The following BSG variants were observed in gnomAD, a reference collection of about 807,000 sequenced individuals.
BSG encodes the protein basigin.
In BSG, 37 loss-of-function variants were observed where a neutral mutation model predicts 43.1. That is an observed-to-expected ratio of 0.86 (90% CI 0.66 to 1.13). The LOEUF is 1.13. Among genes scored for constraint, BSG ranks in the 50% most tolerant of loss-of-function variants. BSG has a pLI of 0.00. For missense variants in BSG, 599 were observed against 554.2 expected (o/e 1.08, Z -0.81); for synonymous variants, 309 against 238.7 (o/e 1.29, Z -2.72).
At chr19:580,538 C>G in intron 4 of BSG, 77 bp downstream of exon 4, 1 of 1,604,292 alleles carries the variant, frequency 6.2e-7, no homozygotes, top group South Asian at 1.1e-5. Context: ...CCGGCACATC[C>G]CAGAGCCCTG....
Position 578,112 on chromosome 19 carries a change from G to A in BSG, c.406G>A (p.Val136Ile), listed in dbSNP as rs1001314770. 5.1e-6 allele frequency: 8 copies of A among 1,570,124 alleles called. No individual in the cohort carries two copies. The highest frequency in any genetic ancestry group is 6.9e-6 in the Non-Finnish European group (8 of 1,153,716). ...KWVRAQAVVL[V>I]LEPGTVFTTV... ...GGTCCGCGCCCAGGCAGTCGTGCTAGTCCTGGAACGTGAGTGGCGGGCACC... is the reference window on the plus strand; with the variant it reads ...GGTCCGCGCCCAGGCAGTCGTGCTAATCCTGGAACGTGAGTGGCGGGCACC... The change falls in exon 2 of 9, where the codon GTC (valine) becomes ATC (isoleucine). Residue 136 changes from valine (V) to isoleucine (I), a missense_variant. Transcript: ENST00000333511.
intron 1 of BSG, among the ~76,000 whole-genome samples, chr19:577,047 G>A (rs1327148778): frequency 6.6e-6 from 1 of 152,194 alleles, no homozygotes; most frequent in African/African-American, 2.4e-5. Flanking sequence ...CCTGGCGGGA[G>A]GAGGCACTCC....
In BSG at chr19:572,620, C is replaced by T. The variant is rs754745392; in HGVS notation, c.-15C>T. The T allele has an allele frequency of 1.2e-5, 18 of 1,493,400 alleles. No individual in the cohort carries two copies. The highest frequency in any genetic ancestry group is 4.5e-5 in the Admixed American group (2 of 44,398). 92.5% of individuals were successfully genotyped at this position (1,493,400 alleles called of 1,614,324 possible). On this transcript the variant is annotated 5_prime_UTR_variant, in exon 1 of 9. Transcript: ENST00000333511. ...CAGCGGTTGGAGGTTGTAGGACCGG[C>T]GAGGAATAGGAATCATGGCGGCTGC...
intron 6 of BSG, 28 bp from the exon 7 acceptor site, chr19:582,278 C>A: frequency 6.2e-7 from 1 of 1,605,236 alleles, no homozygotes. Flanking sequence ...CTCTCGTCCT[C>A]TTTTTCATGG....
At chr19:578,381 C>T (rs928549229) in intron 2 of BSG, among the ~76,000 whole-genome samples, 4 of 152,326 alleles carry the variant, frequency 2.6e-5, no homozygotes, top group Middle Eastern at 6.8e-3. Context: ...CCTCGACCCT[C>T]GTGCCATCCG....
chr19:582,526 G>A lies in BSG; in HGVS notation c.1107G>A (p.Gly369=). Residue 369 remains glycine, a synonymous_variant, in exon 8 of 9, where the codon GGG becomes GGA. Transcript: ENST00000333511. ...CCTCGTGCCCCAGGAAGAGCAGCGG[G>A]CAGCACCAGAATGACAAAGGCAAGA... ...DAGSAPLKSS[G]QHQNDKGKNV... is the part of the protein sequence containing the mutation. 2 of 1,601,358 alleles carry A rather than the reference G, an allele frequency of 1.2e-6. No individual in the cohort carries two copies. Among genetic ancestry groups the A allele is most frequent in the Non-Finnish European group, 1.7e-6 (2 of 1,174,370 alleles).
In BSG at chr19:582,365, G is replaced by A. The variant is rs547374902; in HGVS notation, c.1094+35G>A. On this transcript the variant is annotated intron_variant, in intron 7 of 8. Coordinates refer to ENST00000333511, the MANE Select transcript of BSG (RefSeq NM_001728.4). Reference sequence around the variant, plus strand: ...AGCTGTGGGGGTCGGGGGTCCCAAGGAGCGGCCTGCTGCCCCAGGCCTTTA... The same window carrying A: ...AGCTGTGGGGGTCGGGGGTCCCAAGAAGCGGCCTGCTGCCCCAGGCCTTTA... 2.1e-5 allele frequency: 34 copies of A among 1,596,970 alleles called. No individual in the cohort carries two copies. The East Asian group carries it at 6.9e-4, about 33-fold the overall frequency.
chr19:571,318 C>T (rs1981214142), upstream of BSG: 1 of 591,182 alleles, frequency 1.7e-6, no homozygotes, highest in African/African-American at 1.9e-5. Flanking sequence ...CCAGTTAGCC[C>T]TTCGCGTTCG....
chr19:572,818 GA>G, intron 1 of BSG, 117 bp downstream of exon 1: 1 of 1,196,414 alleles, frequency 8.4e-7, no homozygotes, highest in Non-Finnish European at 1.1e-6. Flanking sequence ...CCTGGGGTGC[GA>G]AAGGCCGGCC....
Position 579,538 on chromosome 19 carries a change from A to G in BSG, c.454A>G (p.Lys152Glu), listed in dbSNP as rs753663735. 4.3e-6 allele frequency: 7 copies of G among 1,612,616 alleles called. No individual in the cohort carries two copies. The highest frequency in any genetic ancestry group is 1.1e-5 in the South Asian group (1 of 91,094). Residue 152 changes from lysine (K) to glutamate (E), a missense_variant, in exon 3 of 9, where the codon AAG (lysine) becomes GAG (glutamate). Transcript: ENST00000333511. ...CACTACCGTAGAAGACCTTGGCTCC[A>G]AGATACTCCTCACCTGCTCCTTGAA... The part of the protein sequence containing the change: ...VFTTVEDLGS[K>E]ILLTCSLNDS...
intron 1 of BSG, among the ~76,000 whole-genome samples, chr19:574,548 G>A (rs975348857): frequency 7.0e-6 from 1 of 143,214 alleles, no homozygotes. Flanking sequence ...GCGAGACCCC[G>A]TCTCAAAAAA....
At position 572,615 on chromosome 19, in the gene BSG, A is replaced by AC; in HGVS notation, c.-18dup. The AC allele has an allele frequency of 6.7e-7, 1 of 1,489,854 alleles. No homozygotes were observed. Among genetic ancestry groups the AC allele is most frequent in the East Asian group, 2.9e-5 (1 of 34,492 alleles). The allele number at this position is 1,489,854 out of a possible 1,614,324, so 92.3% of individuals were successfully genotyped here. ...GGCGGCAGCGGTTGGAGGTTGTAGG[A>AC]CCGGCGAGGAATAGGAATCATGGCG... On this transcript the variant is annotated 5_prime_UTR_variant, in exon 1 of 9. Transcript: ENST00000333511.
At chr19:575,078 C>T (rs1411261449) in intron 1 of BSG, 1 of 152,312 alleles carries the variant, frequency 6.6e-6, no homozygotes, top group East Asian at 1.9e-4. Flanking sequence ...AGAAGGGTTT[C>T]TTCTGAGCAG....
chr19:571,438 A>G (rs2145880010), upstream of BSG: 2 of 742,038 alleles, frequency 2.7e-6, no homozygotes, highest in South Asian at 2.8e-5. Flanking sequence ...GACTTTTCTC[A>G]CCGTGGTCGC....
rs1290374583 is a variant in BSG, at chr19:581,507, C to T, written c.985C>T (p.Leu329=). The change falls in exon 6 of 9, where the codon CTG becomes TTG. Residue 329 remains leucine (L), a synonymous_variant. Coordinates refer to ENST00000333511, the MANE Select transcript of BSG (RefSeq NM_001728.4). ...RSHLAALWPF[L]GIVAEVLVLV... ...CCACCTGGCCGCCCTCTGGCCCTTC[C>T]TGGGCATCGTGGCTGAGGTGCTGGT... The T allele has an allele frequency of 1.9e-6, 3 of 1,597,834 alleles. No individual in the cohort carries two copies. The highest frequency in any genetic ancestry group is 1.3e-5 in the African/African-American group (1 of 74,538).
intron 6 of BSG, 44 bp from the exon 7 acceptor site, chr19:582,262 G>A (rs774143658): frequency 1.2e-6 from 2 of 1,604,400 alleles, no homozygotes; most frequent in Non-Finnish European, 1.7e-6. Context: ...GTGCTGACAG[G>A]CTGTCCTCTC....
At chr19:572,480 G>A, upstream of BSG, 4 of 1,175,396 alleles carry the variant, frequency 3.4e-6, no homozygotes, top group Non-Finnish European at 4.2e-6. Flanking sequence ...GCGCGCGTGC[G>A]CAGGCGGGGC....
At chr19:580,237 C>T (rs963361638) in intron 3 of BSG, 142 bp from the exon 4 acceptor site, 5 of 709,256 alleles carry the variant, frequency 7.0e-6, no homozygotes, top group African/African-American at 5.4e-5. Flanking sequence ...CACGGGGACC[C>T]CAGGAGTTCT....
intron 1 of BSG, among the ~76,000 whole-genome samples, chr19:575,997 C>A (rs114264435): frequency 6.6e-6 from 1 of 152,200 alleles, no homozygotes; most frequent in Admixed American, 6.5e-5. Flanking sequence ...CATCAGCATC[C>A]GGAGGGACAC....
Sources: allele counts gnomAD v4.1 joint callset (sites outside exome capture counted in the v4.1 genomes callset), GRCh38; gene constraint gnomAD v4.1.1; transcripts MANE v1.5; gene names NCBI Gene and HGNC (gene_info 2026-07-23, HGNC 2026-07-21).